CYFIP1: variants seen among roughly 807,000 people sequenced by gnomAD.
CYFIP1 encodes cytoplasmic FMR1 interacting protein 1.
Under a neutral mutation model 163.5 loss-of-function variants are expected in CYFIP1, and 58 were observed. The observed-to-expected ratio is 0.35, with a 90% CI of 0.29 to 0.44. The LOEUF is 0.44. CYFIP1 is among the 20% of genes least tolerant of loss of function. The pLI is 1.00. For missense variants in CYFIP1, 1,338 were observed against 1,653.8 expected, an observed-to-expected ratio of 0.81 and a Z score of 3.31; for synonymous variants, 663 against 660.7, an observed-to-expected ratio of 1.00 and a Z score of -0.05.
intron 1 of CYFIP1, among the ~76,000 whole-genome samples, chr15:22,971,675 TC>T (rs2063100981): frequency 1.5e-5 from 2 of 136,568 alleles, no homozygotes; most frequent in South Asian, 4.6e-4. Flanking sequence ...AAACTCTGTC[TC>T]AAAAAAAAAA....
intron 17 of CYFIP1, among the ~76,000 whole-genome samples, chr15:22,913,002 G>A (rs1175830767): frequency 6.6e-6 from 1 of 151,928 alleles, no homozygotes; most frequent in Non-Finnish European, 1.5e-5. Flanking sequence ...TTGAGACCAG[G>A]TTGGACAACA....
chr15:22,889,593 C>A (rs111360074), intron 23 of CYFIP1, among the ~76,000 whole-genome samples: 1 of 152,172 alleles, frequency 6.6e-6, no homozygotes, highest in Non-Finnish European at 1.5e-5. Context: ...CCATCAGAAC[C>A]GCAGGTGCAC....
intron 15 of CYFIP1, chr15:22,916,940 A>G (rs1016528552): frequency 2.6e-6 from 4 of 1,551,636 alleles, no homozygotes; most frequent in Non-Finnish European, 3.5e-6. Flanking sequence ...TGTTAACCGC[A>G]TGCAAGAGCC....
rs368490890 is a variant in CYFIP1 at position 22,872,840 on chromosome 15, C to G, written c.3582G>C (p.Glu1194Asp). 6 of 1,613,974 alleles carry G rather than the reference C, an allele frequency of 3.7e-6. No individual in the cohort carries two copies. In the African/African-American group the frequency reaches 8.0e-5, roughly 22 times the overall value. The change falls in exon 30 of 31, where the codon GAG (glutamate) becomes GAC (aspartate). Residue 1194 changes from glutamate (E) to aspartate (D), a missense_variant. Glu to Asp is a conservative substitution (Grantham distance 45). Around this residue, in one of 4 missense-constraint regions of CYFIP1, gnomAD observed 306 missense variants for 322.1 expected, o/e 0.95. Coordinates refer to ENST00000617928, the MANE Select transcript of CYFIP1 (RefSeq NM_014608.6). ...ATCCACATACCACATTTTTAATAATCTCATCTTTGCCATCATGTTTCTGGA... is the reference window on the plus strand; with the variant it reads ...ATCCACATACCACATTTTTAATAATGTCATCTTTGCCATCATGTTTCTGGA... Reference protein sequence around the residue: ...LKVQKHDGKDEIIKNVPLKKM... With the variant: ...LKVQKHDGKDDIIKNVPLKKM...
At chr15:22,975,466 G>T (rs1179373045) in intron 1 of CYFIP1, among the ~76,000 whole-genome samples, 4 of 109,486 alleles carry the variant, frequency 3.7e-5, no homozygotes, top group Admixed American at 2.0e-4. Context: ...AAAAAAAAAA[G>T]GTTAAAGGCC....
chr15:22,933,213 T>C (rs1482368689), intron 10 of CYFIP1, among the ~76,000 whole-genome samples: 1 of 152,122 alleles, frequency 6.6e-6, no homozygotes, highest in African/African-American at 2.4e-5. Context: ...CCTAGGATGA[T>C]GAAAGTGTTC....
Position 22,868,007 on chromosome 15 carries a change from G to GTGA in CYFIP1, c.*2018_*2020dup, listed in dbSNP as rs796782887. On this transcript the variant is annotated 3_prime_UTR_variant, in exon 31 of 31. Transcript: ENST00000617928. ...ATTGGCAGAATTAATTTCCACCTAG[G>GTGA]TGATGGGAAGAAAGTGTTCGCCTGT... 110 of 152,346 alleles carry GTGA rather than the reference G, an allele frequency of 7.2e-4. No homozygotes were observed. Among genetic ancestry groups the GTGA allele is most frequent in the African/African-American group, 2.5e-3 (104 of 41,578 alleles). 9.4% of individuals were successfully genotyped at this position (152,346 alleles called of 1,614,324 possible).
chr15:22,925,297 A>T (rs2061322844), intron 13 of CYFIP1, among the ~76,000 whole-genome samples: 1 of 152,186 alleles, frequency 6.6e-6, no homozygotes, highest in Non-Finnish European at 1.5e-5. Context: ...GTGCTTTCTC[A>T]TACACGGTAG....
Position 22,917,872 on chromosome 15 carries a change from G to C in CYFIP1, c.1590C>G (p.Asp530Glu). 1.2e-6 allele frequency: 2 copies of C among 1,613,936 alleles called. No individual in the cohort carries two copies. The highest frequency in any genetic ancestry group is 1.7e-6 in the Non-Finnish European group (2 of 1,179,938). Reference protein sequence around the residue: ...DWETGHEPFNDPALRGEKDPK... With the variant: ...DWETGHEPFNEPALRGEKDPK... The stretch of plus-strand genomic sequence containing the variant: ...GGTCCTTCTCGCCCCGCAAGGCTGG[G>C]TCATTGAAGGGCTCATGCCCCGTCT... The change falls in exon 15 of 31, where the codon GAC becomes GAG. Residue 530 changes from aspartate to glutamate, a missense_variant. This residue lies in a region of CYFIP1 where 824 missense variants were observed against 995.7 expected (regional missense o/e 0.83). Coordinates refer to ENST00000617928, the MANE Select transcript of CYFIP1 (RefSeq NM_014608.6). This position sits in a 1 kb window ranked among gnomAD's most constrained non-coding sequence, Gnocchi z 4.2.
At chr15:22,890,753 G>A (rs1267647545) in intron 23 of CYFIP1, among the ~76,000 whole-genome samples, 5 of 83,642 alleles carry the variant, frequency 6.0e-5, no homozygotes, top group Non-Finnish European at 9.9e-5. Context: ...TCGAGAACAC[G>A]AACAGAGACA....
intron 1 of CYFIP1, among the ~76,000 whole-genome samples, chr15:22,962,953 A>G (rs991841257): frequency 6.6e-6 from 1 of 152,148 alleles, no homozygotes; most frequent in Non-Finnish European, 1.5e-5. Context: ...CTTGGCTGTC[A>G]TGACCTCTGA....
chr15:22,882,940 G>A lies in CYFIP1; in HGVS notation c.2748C>T (p.Val916=). 6.2e-7 allele frequency: 1 copy of A among 1,614,016 alleles called. No individual in the cohort carries two copies. The highest frequency in any genetic ancestry group is 1.7e-5 in the Admixed American group (1 of 60,016). ...CCTGGTAGCCGAGAAGCCGGCAGATGACTTGAAAGTGTGGAGGTCCCACGA... is the reference window on the plus strand; with the variant it reads ...CCTGGTAGCCGAGAAGCCGGCAGATAACTTGAAAGTGTGGAGGTCCCACGA... ...RNFVGPPHFQ[V]ICRLLGYQGI... Residue 916 remains valine (V), a synonymous_variant, in exon 24 of 31, where the codon GTC becomes GTT. Transcript: ENST00000617928.
Position 22,980,356 on chromosome 15 carries a change from G to T in CYFIP1, c.-76C>A, listed in dbSNP as rs1259407167. ...TTCCTTGGCCGAGTGAGTCACTCGG[G>T]CTGGCCGGGAATGCGCCAGGAAACA... On this transcript the variant is annotated 5_prime_UTR_variant, in exon 1 of 31. Transcript: ENST00000617928. The T allele has an allele frequency of 3.3e-5, 5 of 151,772 alleles. No homozygotes were observed. The highest frequency in any genetic ancestry group is 1.2e-4 in the African/African-American group (5 of 41,372). 9.4% of individuals were successfully genotyped at this position (151,772 alleles called of 1,614,324 possible).
intron 21 of CYFIP1, among the ~76,000 whole-genome samples, chr15:22,908,303 C>T (rs560505471): frequency 3.9e-5 from 6 of 152,122 alleles, no homozygotes; most frequent in African/African-American, 1.4e-4. Context: ...CTCCGTGAGA[C>T]AGCCGAAAAA....
intron 1 of CYFIP1, chr15:22,951,636 C>G (rs2062253074): frequency 9.4e-7 from 1 of 1,065,060 alleles, no homozygotes; most frequent in Non-Finnish European, 1.2e-6. Flanking sequence ...TGCCCGGGCC[C>G]CACGCGGGTC....
At chr15:22,973,384 C>A (rs11263675) in intron 1 of CYFIP1, among the ~76,000 whole-genome samples, 2 of 151,230 alleles carry the variant, frequency 1.3e-5, no homozygotes, top group African/African-American at 4.9e-5. Flanking sequence ...CTTTTTCTAC[C>A]CGTTCTTCAC....
intron 8 of CYFIP1, among the ~76,000 whole-genome samples, chr15:22,938,944 A>C (rs2140067220): frequency 6.6e-6 from 1 of 150,790 alleles, no homozygotes; most frequent in Non-Finnish European, 1.5e-5. Context: ...AAAAAAAAAA[A>C]AAAAGCTGAG....
chr15:22,883,031 G>C lies in CYFIP1; in HGVS notation c.2677-20C>G. ...CAAAGCCTGGAAAACAGGGCACAGA[G>C]CTCTCAGCATGGTCCCCGCACACAT... On this transcript the variant is annotated intron_variant, in intron 23 of 30. Transcript: ENST00000617928. 1 of 1,612,156 alleles carries C rather than the reference G, an allele frequency of 6.2e-7. No homozygotes were observed. The highest frequency in any genetic ancestry group is 8.5e-7 in the Non-Finnish European group (1 of 1,178,736).
intron 1 of CYFIP1, among the ~76,000 whole-genome samples, chr15:22,959,094 AC>A (rs2140183494): frequency 6.6e-6 from 1 of 152,244 alleles, no homozygotes; most frequent in Admixed American, 6.5e-5. Context: ...GCTACCAGGC[AC>A]ACAGATGAGC....
Sources: gnomAD v4.1 joint callset for allele counts (sites outside exome capture counted in the v4.1 genomes callset) on GRCh38, gnomAD v4.1.1 for gene constraint, gnomAD v4.1.1 regional missense constraint, Gnocchi (gnomAD v3.1) non-coding constraint, MANE v1.5 for transcripts, NCBI Gene and HGNC (gene_info 2026-07-23, HGNC 2026-07-21) for gene names.